ADAMTSL1: variants seen among roughly 807,000 people sequenced by gnomAD.
ADAMTSL1 encodes ADAMTS-like protein 1.
ADAMTSL1 carries 126 observed loss-of-function variants against 201.8 expected under a neutral mutation model. The ratio of observed to expected loss-of-function variants is 0.62; its 90% CI spans 0.54 to 0.72. The LOEUF (loss-of-function observed/expected upper bound fraction) is 0.72, where lower values mean the gene tolerates loss of function less well. Ranked by LOEUF, ADAMTSL1 falls within the 30% of genes least tolerant of loss-of-function variation. The pLI, the probability that ADAMTSL1 is intolerant of heterozygous loss-of-function variation, is 0.00. For missense variants in ADAMTSL1, 2,679 were observed against 2,277.8 expected, an observed-to-expected ratio of 1.18 and a Z score of -3.59; for synonymous variants, 1,121 against 903.4, an observed-to-expected ratio of 1.24 and a Z score of -4.32.
At chr9:18,577,289 C>T (rs1183270429) in intron 4 of ADAMTSL1, among the ~76,000 whole-genome samples, 2 of 152,086 alleles carry the variant, frequency 1.3e-5, no homozygotes, top group African/African-American at 4.8e-5. Flanking sequence ...AGTTTGAGAC[C>T]TGCCTGGCCA....
intron 2 of ADAMTSL1, among the ~76,000 whole-genome samples, chr9:18,276,286 A>G (rs1832585575): frequency 6.6e-6 from 1 of 152,202 alleles, no homozygotes; most frequent in Admixed American, 6.5e-5. Context: ...GTTTTATACT[A>G]ACGTGTTGCT....
At chr9:18,522,900 T>C (rs576884051) in intron 2 of ADAMTSL1, among the ~76,000 whole-genome samples, 1 of 152,296 alleles carries the variant, frequency 6.6e-6, no homozygotes, top group East Asian at 1.9e-4. Context: ...GCAATAAACA[T>C]ATGTGTGCAT....
At chr9:18,609,225 G>A (rs903161376) in intron 4 of ADAMTSL1, among the ~76,000 whole-genome samples, 5 of 152,166 alleles carry the variant, frequency 3.3e-5, no homozygotes, top group African/African-American at 1.2e-4. Context: ...AGTAGTCCTG[G>A]AGTTGGAGAG....
intron 19 of ADAMTSL1, among the ~76,000 whole-genome samples, chr9:18,793,911 C>T (rs1042140240): frequency 6.6e-6 from 1 of 151,960 alleles, no homozygotes; most frequent in Non-Finnish European, 1.5e-5. Flanking sequence ...GCCATAATGT[C>T]ACAGGTACTT....
At chr9:17,952,126 T>C (rs1464569485) in intron 1 of ADAMTSL1, among the ~76,000 whole-genome samples, 3 of 151,458 alleles carry the variant, frequency 2.0e-5, no homozygotes, top group African/African-American at 7.3e-5. Context: ...TTTCTTTTTT[T>C]TTTTTTTTGT....
intron 25 of ADAMTSL1, among the ~76,000 whole-genome samples, chr9:18,889,960 C>A (rs1829143116): frequency 6.6e-6 from 1 of 152,094 alleles, no homozygotes; most frequent in African/African-American, 2.4e-5. Context: ...GTTTATTCCT[C>A]ACCCCACTAA....
chr9:18,363,887 C>T (rs1287225996), intron 2 of ADAMTSL1, among the ~76,000 whole-genome samples: 1 of 151,424 alleles, frequency 6.6e-6, no homozygotes, highest in Non-Finnish European at 1.5e-5. Flanking sequence ...TCCTAGAAAC[C>T]CTTGATAGAG....
chr9:18,142,998 G>T (rs984777664), intron 1 of ADAMTSL1, among the ~76,000 whole-genome samples: 1 of 152,198 alleles, frequency 6.6e-6, no homozygotes, highest in Non-Finnish European at 1.5e-5. Flanking sequence ...TTGGAATCCA[G>T]TAGGGACTCA....
rs558061244 is a variant in ADAMTSL1 at position 18,451,691 on chromosome 9, C to T, written c.208-53138C>T. On this transcript the variant is annotated intron_variant, in intron 2 of 29. Transcript: ENST00000680146. Reference sequence around the variant, plus strand: ...TGTTTTGTTGCACACAGTTCTTCTTCAAGCCTGAAAAGGATGGAGACTGTC... The same window carrying T: ...TGTTTTGTTGCACACAGTTCTTCTTTAAGCCTGAAAAGGATGGAGACTGTC... Among the ~76,000 whole-genome samples, 85 of 152,330 alleles carry T rather than the reference C, an allele frequency of 5.6e-4. 1 individual carries two copies. The highest frequency in any genetic ancestry group is 1.9e-3 in the African/African-American group (81 of 41,584).
chr9:18,525,974 G>C (rs561252144), intron 2 of ADAMTSL1, among the ~76,000 whole-genome samples: 15 of 152,202 alleles, frequency 9.9e-5, no homozygotes, highest in Admixed American at 5.2e-4. Context: ...TTGGTACAGA[G>C]CTGAGTTCAA....
rs192867831 is a variant in ADAMTSL1 at position 18,516,852 on chromosome 9, G to A, written c.191+11896G>A. On this transcript the variant is annotated intron_variant, in intron 2 of 28. Coordinates refer to ENST00000380548, the MANE Select transcript of ADAMTSL1 (RefSeq NM_001040272.6). ...GTCAAGCCCATTTTGCTGTTAGATAGGAAGAGGAGCAAAAACTGCTCTTCA... is the reference window on the plus strand; with the variant it reads ...GTCAAGCCCATTTTGCTGTTAGATAAGAAGAGGAGCAAAAACTGCTCTTCA... Among the ~76,000 whole-genome samples, 50 of 152,284 alleles carry A rather than the reference G, an allele frequency of 3.3e-4. No homozygotes were observed. In the East Asian group the frequency reaches 8.3e-3, roughly 25 times the overall value.
intron 2 of ADAMTSL1, among the ~76,000 whole-genome samples, chr9:18,189,080 T>G (rs1347800381): frequency 1.3e-5 from 2 of 152,174 alleles, no homozygotes; most frequent in Non-Finnish European, 2.9e-5. Context: ...TGGGAAAAGC[T>G]GTATCCTAAG....
chr9:18,053,054 T>G (rs1472194216), intron 1 of ADAMTSL1, among the ~76,000 whole-genome samples: 1 of 152,234 alleles, frequency 6.6e-6, no homozygotes, highest in East Asian at 1.9e-4. Flanking sequence ...TTTGTAATAC[T>G]GGGTCAAAAT....
intron 26 of ADAMTSL1, among the ~76,000 whole-genome samples, chr9:18,895,552 C>A (rs1485325254): frequency 1.3e-5 from 2 of 152,046 alleles, no homozygotes; most frequent in Non-Finnish European, 2.9e-5. Flanking sequence ...GAGACTGACC[C>A]TCTATGCAAC....
At chr9:17,969,425 G>A (rs1818114110) in intron 1 of ADAMTSL1, among the ~76,000 whole-genome samples, 1 of 152,036 alleles carries the variant, frequency 6.6e-6, no homozygotes, top group Non-Finnish European at 1.5e-5. Flanking sequence ...TTCATGAGGT[G>A]TCTGGTGTCA....
At chr9:17,988,860 G>C (rs1054258292) in intron 1 of ADAMTSL1, among the ~76,000 whole-genome samples, 2 of 151,752 alleles carry the variant, frequency 1.3e-5, no homozygotes, top group African/African-American at 4.8e-5. Context: ...ATCTGGTTTA[G>C]TGTTTCTCAA....
intron 2 of ADAMTSL1, among the ~76,000 whole-genome samples, chr9:18,324,044 A>T (rs1834728951): frequency 6.6e-6 from 1 of 152,220 alleles, no homozygotes; most frequent in Admixed American, 6.5e-5. Context: ...GAAGAATGAG[A>T]TTAAATAGGA....
At chr9:18,635,829 A>G in intron 5 of ADAMTSL1, 114 bp from the exon 6 acceptor site, 1 of 820,890 alleles carries the variant, frequency 1.2e-6, no homozygotes. Flanking sequence ...CATTTCAAAC[A>G]CTTAAAAAAA....
At chr9:18,808,762 C>T (rs1823316907) in intron 20 of ADAMTSL1, among the ~76,000 whole-genome samples, 1 of 152,150 alleles carries the variant, frequency 6.6e-6, no homozygotes, top group African/African-American at 2.4e-5. Context: ...GGCAGCCAGT[C>T]CACAGACAAA....
Sources: allele counts gnomAD v4.1 joint callset (sites outside exome capture counted in the v4.1 genomes callset), GRCh38; gene constraint gnomAD v4.1.1; transcripts MANE v1.5; gene names NCBI Gene and HGNC (gene_info 2026-07-23, HGNC 2026-07-21).